NIM1K: variants seen among roughly 807,000 people sequenced by gnomAD.
NIM1K encodes NIM1 serine/threonine protein kinase, also known as serine/threonine-protein kinase NIM1.
In NIM1K, 35 loss-of-function variants were observed where a neutral mutation model predicts 37.1. The observed-to-expected ratio is 0.94, with a 90% CI of 0.72 to 1.25. NIM1K has a LOEUF of 1.25. NIM1K is among the 50% of genes most tolerant of loss of function. The pLI, the probability that NIM1K is intolerant of heterozygous loss-of-function variation, is 0.00. For missense variants in NIM1K, 564 were observed against 548.0 expected (o/e 1.03, Z -0.29); for synonymous variants, 234 against 206.6 (o/e 1.13, Z -1.14).
At chr5:43,209,338 C>T (rs573654520) in intron 1 of NIM1K, among the ~76,000 whole-genome samples, 4 of 152,284 alleles carry the variant, frequency 2.6e-5, no homozygotes, top group Admixed American at 2.0e-4. Context: ...TGGGGCAGCT[C>T]ATCAAACCCG....
At chr5:43,240,165 C>T (rs1238522882) in intron 1 of NIM1K, 1 of 151,882 alleles carries the variant, frequency 6.6e-6, no homozygotes, top group Non-Finnish European at 1.5e-5. Flanking sequence ...CCTTGACTTC[C>T]CAGGTTCAAG....
intron 1 of NIM1K, chr5:43,240,373 C>A (rs1001899035): frequency 2.0e-5 from 3 of 151,664 alleles, no homozygotes; most frequent in Non-Finnish European, 4.4e-5. Flanking sequence ...CCACAACCAG[C>A]CTATTTTCTT....
rs138966804 is a variant in NIM1K at position 43,255,704 on chromosome 5, G to A, written c.292+9637G>A. ...GGGGAGGTGGCAGTGAGCCAAGATC[G>A]TGCCACTGTACTCCAGCCTGGTGAC... On this transcript the variant is annotated intron_variant, in intron 2 of 3. Transcript: ENST00000326035. 2.1e-3 allele frequency among the ~76,000 whole-genome samples: 311 copies of A among 148,748 alleles called. 1 individual carries two copies. Among genetic ancestry groups the A allele is most frequent in the African/African-American group, 7.3e-3 (294 of 40,504 alleles).
intron 2 of NIM1K, among the ~76,000 whole-genome samples, chr5:43,272,197 T>C (rs1010102066): frequency 1.3e-5 from 2 of 152,210 alleles, no homozygotes; most frequent in Non-Finnish European, 2.9e-5. Flanking sequence ...ATAACCCTAA[T>C]GTTTCAGGTC....
At chr5:43,230,852 A>T (rs1375222116) in intron 1 of NIM1K, among the ~76,000 whole-genome samples, 4 of 152,158 alleles carry the variant, frequency 2.6e-5, no homozygotes, top group Non-Finnish European at 4.4e-5. Context: ...ATTTTACCAG[A>T]GCTTTTTTTT....
intron 2 of NIM1K, among the ~76,000 whole-genome samples, chr5:43,255,166 G>A (rs1579981954): frequency 1.3e-5 from 2 of 152,140 alleles, no homozygotes; most frequent in African/African-American, 2.4e-5. Context: ...AAGACTCTGT[G>A]GTAACATGGA....
chr5:43,197,644 A>G (rs932882308), intron 1 of NIM1K, among the ~76,000 whole-genome samples: 63 of 152,254 alleles, frequency 4.1e-4, no homozygotes, highest in Admixed American at 3.5e-3. Context: ...CTCAATTTCC[A>G]TGATCCATAC....
At chr5:43,217,836 C>T (rs544588861) in intron 1 of NIM1K, among the ~76,000 whole-genome samples, 7 of 151,780 alleles carry the variant, frequency 4.6e-5, no homozygotes, top group African/African-American at 1.7e-4. Flanking sequence ...CTCAGCCTCC[C>T]GAGTACCTGG....
chr5:43,273,351 C>T (rs1753287090), intron 2 of NIM1K, among the ~76,000 whole-genome samples: 2 of 152,000 alleles, frequency 1.3e-5, no homozygotes, highest in African/African-American at 4.8e-5. Flanking sequence ...TTACAGGCGG[C>T]TGCCACCATG....
intron 1 of NIM1K, among the ~76,000 whole-genome samples, chr5:43,211,495 G>A (rs975797005): frequency 2.6e-5 from 4 of 152,216 alleles, no homozygotes; most frequent in Non-Finnish European, 5.9e-5. Context: ...CGACCATGGG[G>A]ACTGGGGGGA....
chr5:43,248,389 A>T (rs1752815675), intron 2 of NIM1K, among the ~76,000 whole-genome samples: 1 of 152,154 alleles, frequency 6.6e-6, no homozygotes, highest in East Asian at 1.9e-4. Context: ...GGCTTTTGGA[A>T]GGTTAACCAT....
At chr5:43,198,388 C>T in intron 1 of NIM1K, among the ~76,000 whole-genome samples, 1 of 149,856 alleles carries the variant, frequency 6.7e-6, no homozygotes, top group South Asian at 2.2e-4. Context: ...TCCTCCCTCC[C>T]TCCCTCTCGA....
At chr5:43,205,622 C>CAA (rs1285295566) in intron 1 of NIM1K, among the ~76,000 whole-genome samples, 1 of 152,192 alleles carries the variant, frequency 6.6e-6, no homozygotes, top group Admixed American at 6.5e-5. Flanking sequence ...TGGCTACTCT[C>CAA]AAATGTCCTT....
At chr5:43,258,353 TG>T (rs1752977055) in intron 2 of NIM1K, among the ~76,000 whole-genome samples, 1 of 152,212 alleles carries the variant, frequency 6.6e-6, no homozygotes, top group South Asian at 2.1e-4. Context: ...TCCATTCAAC[TG>T]TTGATGATGT....
At chr5:43,207,744 T>A in intron 1 of NIM1K, 1 of 471,784 alleles carries the variant, frequency 2.1e-6, no homozygotes, top group Non-Finnish European at 4.1e-6. Context: ...TCAAAGGAGA[T>A]CGTCTGTGTC....
At chr5:43,198,384 C>G (rs552300074) in intron 1 of NIM1K, among the ~76,000 whole-genome samples, 2 of 149,616 alleles carry the variant, frequency 1.3e-5, no homozygotes, top group East Asian at 3.9e-4. Flanking sequence ...CCCTTCCTCC[C>G]TCCCTCCCTC....
chr5:43,250,219 T>C (rs1460910248), intron 2 of NIM1K, among the ~76,000 whole-genome samples: 9 of 151,484 alleles, frequency 5.9e-5, no homozygotes. Context: ...TTTTTCAATG[T>C]CATTAAATAT....
At chr5:43,275,666 G>C (rs1468787527) in intron 2 of NIM1K, among the ~76,000 whole-genome samples, 2 of 152,134 alleles carry the variant, frequency 1.3e-5, no homozygotes, top group Non-Finnish European at 2.9e-5. Context: ...TGGGGCAAGA[G>C]AGGGAGATAA....
At chr5:43,238,136 G>C (rs531712596) in intron 1 of NIM1K, among the ~76,000 whole-genome samples, 3 of 149,078 alleles carry the variant, frequency 2.0e-5, no homozygotes, top group Non-Finnish European at 4.4e-5. Flanking sequence ...TCTGCCTCAC[G>C]GGTTCACGCC....
Sources: gnomAD v4.1 joint callset for allele counts (sites outside exome capture counted in the v4.1 genomes callset) on GRCh38, gnomAD v4.1.1 for gene constraint, MANE v1.5 for transcripts, NCBI Gene and HGNC (gene_info 2026-07-23, HGNC 2026-07-21) for gene names.